SPRYD4: variants seen among roughly 807,000 people sequenced by gnomAD.
The protein encoded by SPRYD4 is SPRY domain-containing protein 4.
SPRYD4 carries 12 observed loss-of-function variants against 16.6 expected under a neutral mutation model. That is an observed-to-expected ratio of 0.72 (90% CI 0.46 to 1.17). The LOEUF (loss-of-function observed/expected upper bound fraction) is 1.17, where lower values mean the gene tolerates loss of function less well. Ranked by LOEUF, SPRYD4 falls within the 50% of genes most tolerant of loss-of-function variation. SPRYD4 has a pLI of 0.00. For synonymous variants in SPRYD4, 98 were observed against 105.4 expected, an observed-to-expected ratio of 0.93 and a Z score of 0.43; for missense variants, 260 against 260.2, an observed-to-expected ratio of 1.00 and a Z score of 0.00.
At position 56,477,906 on chromosome 12, in the gene SPRYD4, T is replaced by A. The variant is rs749235154; in HGVS notation, c.*8329T>A. The A allele has an allele frequency of 1.2e-6, 2 of 1,603,186 alleles. No individual in the cohort carries two copies. Among genetic ancestry groups the A allele is most frequent in the East Asian group, 2.2e-5 (1 of 44,802 alleles). ...ATAAGGAGAAGGGGACAGCTGTAAG[T>A]ACGGTCTGAGCCTTGGTAGTGCTCA... On this transcript the variant is annotated 3_prime_UTR_variant, in exon 2 of 2. Coordinates refer to ENST00000338146, the MANE Select transcript of SPRYD4 (RefSeq NM_207344.4).
At position 56,478,838 on chromosome 12, in the gene SPRYD4, C is replaced by A. The variant is rs947110100; in HGVS notation, c.*9261C>A. ...CAAAACCCCATCTCTACTAAAAATACAAAAATTAGTCGGGCATGGTGGTGT... is the reference window on the plus strand; with the variant it reads ...CAAAACCCCATCTCTACTAAAAATAAAAAAATTAGTCGGGCATGGTGGTGT... On this transcript the variant is annotated 3_prime_UTR_variant, in exon 2 of 2. Coordinates refer to ENST00000338146, the MANE Select transcript of SPRYD4 (RefSeq NM_207344.4). The A allele has an allele frequency of 5.8e-6, 3 of 521,280 alleles. No homozygotes were observed. The South Asian group carries it at 7.7e-5, about 13-fold the overall frequency. The allele number at this position is 521,280 out of a possible 1,614,324, so 32.3% of individuals were successfully genotyped here. A position where few individuals can be genotyped will look rare whatever the true frequency, so the allele number is the denominator to read the frequency against.
chr12:56,477,797 C>T lies in SPRYD4; in HGVS notation c.*8220C>T. 1.3e-6 allele frequency: 2 copies of T among 1,552,738 alleles called. No individual in the cohort carries two copies. The highest frequency in any genetic ancestry group is 1.2e-5 in the South Asian group (1 of 85,676). On this transcript the variant is annotated 3_prime_UTR_variant, in exon 2 of 2. Coordinates refer to ENST00000338146, the MANE Select transcript of SPRYD4 (RefSeq NM_207344.4). ...CAGCCCGCTCACTTTGTGGGTTAGA[C>T]AAGAAAGACTGCTAGGGAGAAAGGC...
Position 56,474,341 on chromosome 12 carries a change from G to C in SPRYD4, c.*4764G>C. The C allele has an allele frequency of 1.6e-6, 1 of 613,626 alleles. No homozygotes were observed. Among genetic ancestry groups the C allele is most frequent in the Non-Finnish European group, 2.8e-6 (1 of 357,810 alleles). The allele number at this position is 613,626 out of a possible 1,614,324, so 38.0% of individuals were successfully genotyped here. A position where few individuals can be genotyped will look rare whatever the true frequency, so the allele number is the denominator to read the frequency against. On this transcript the variant is annotated 3_prime_UTR_variant, in exon 2 of 2. Coordinates refer to ENST00000338146, the MANE Select transcript of SPRYD4 (RefSeq NM_207344.4). ...TGACCTCAGGTGATCCACCTGCCTC[G>C]GCCTCCCAAAGACATCTCTTTATAT...
Position 56,475,340 on chromosome 12 carries a change from T to C in SPRYD4, c.*5763T>C. The C allele has an allele frequency of 8.6e-7, 1 of 1,168,854 alleles. No homozygotes were observed. Among genetic ancestry groups the C allele is most frequent in the Non-Finnish European group, 1.2e-6 (1 of 852,696 alleles). The allele number at this position is 1,168,854 out of a possible 1,614,324, so 72.4% of individuals were successfully genotyped here. A position where few individuals can be genotyped will look rare whatever the true frequency, so the allele number is the denominator to read the frequency against. On this transcript the variant is annotated 3_prime_UTR_variant, in exon 2 of 2. Coordinates refer to ENST00000338146, the MANE Select transcript of SPRYD4 (RefSeq NM_207344.4). ...AAACACCCCAAACTGTCTAGTCATC[T>C]AGGAAAACTGGTGAAGTTTTTGGCT...
rs1870126170 is a variant in SPRYD4 at position 56,479,653 on chromosome 12, T to G, written c.*10076T>G. The G allele has an allele frequency of 8.8e-7, 1 of 1,140,634 alleles. No individual in the cohort carries two copies. The highest frequency in any genetic ancestry group is 1.6e-5 in the African/African-American group (1 of 63,716). 70.7% of individuals were successfully genotyped at this position (1,140,634 alleles called of 1,614,324 possible). On this transcript the variant is annotated 3_prime_UTR_variant, in exon 2 of 2. Coordinates refer to ENST00000338146, the MANE Select transcript of SPRYD4 (RefSeq NM_207344.4). Reference sequence around the variant, plus strand: ...TTATGATGAGTATTCATGTATAACTTATGTAATAAGTAATAAAATAAAATG... The same window carrying G: ...TTATGATGAGTATTCATGTATAACTGATGTAATAAGTAATAAAATAAAATG...
In SPRYD4 at chr12:56,473,593, A is replaced by G; in HGVS notation, c.*4016A>G. 1 of 1,609,504 alleles carries G rather than the reference A, an allele frequency of 6.2e-7. No homozygotes were observed. Among genetic ancestry groups the G allele is most frequent in the Non-Finnish European group, 8.5e-7 (1 of 1,178,308 alleles). ...TACAGCTGACTTGGCTGGCAGGCCC[A>G]CCTGGGGAACAGAACTGAAGCTGAG... On this transcript the variant is annotated 3_prime_UTR_variant, in exon 2 of 2. Transcript: ENST00000338146.
Position 56,475,612 on chromosome 12 carries a change from G to C in SPRYD4, c.*6035G>C, listed in dbSNP as rs764884399. The C allele has an allele frequency of 8.1e-6, 13 of 1,613,626 alleles. No homozygotes were observed. Among genetic ancestry groups the C allele is most frequent in the Non-Finnish European group, 9.3e-6 (11 of 1,179,540 alleles). ...ACAATGCTTTCAGTCAGTCCTCTGA[G>C]TAGGGACTTACGTGGCATTGCTGAA... On this transcript the variant is annotated 3_prime_UTR_variant, in exon 2 of 2. Coordinates refer to ENST00000338146, the MANE Select transcript of SPRYD4 (RefSeq NM_207344.4).
rs1018046171 is a variant in SPRYD4, at chr12:56,477,659, C to T, written c.*8082C>T. The T allele has an allele frequency of 3.1e-6, 5 of 1,613,202 alleles. No individual in the cohort carries two copies. Among genetic ancestry groups the T allele is most frequent in the Non-Finnish European group, 4.2e-6 (5 of 1,179,612 alleles). On this transcript the variant is annotated 3_prime_UTR_variant, in exon 2 of 2. Transcript: ENST00000338146. ...TATCAGAAGGTTAAGGTGGCACTGA[C>T]CTTGATCAGGGAGCTGACAACAATG...
Position 56,479,236 on chromosome 12 carries a change from C to A in SPRYD4, c.*9659C>A. ...GCTAGAGAAATGCAGCTGGGACTCA[C>A]TCTGGAGCCACGGAAATTGGGAATA... On this transcript the variant is annotated 3_prime_UTR_variant, in exon 2 of 2. Coordinates refer to ENST00000338146, the MANE Select transcript of SPRYD4 (RefSeq NM_207344.4). The A allele has an allele frequency of 6.3e-7, 1 of 1,591,720 alleles. No individual in the cohort carries two copies. Among genetic ancestry groups the A allele is most frequent in the Non-Finnish European group, 8.5e-7 (1 of 1,171,210 alleles).
chr12:56,479,452 T>C lies in SPRYD4; in HGVS notation c.*9875T>C. ...AATATGTATGTATGTTACCTTGATA[T>C]TTAAAAAATCCTAAATCATAAAAGT... On this transcript the variant is annotated 3_prime_UTR_variant, in exon 2 of 2. Coordinates refer to ENST00000338146, the MANE Select transcript of SPRYD4 (RefSeq NM_207344.4). The C allele has an allele frequency of 2.5e-6, 1 of 400,626 alleles. No homozygotes were observed. Among genetic ancestry groups the C allele is most frequent in the Non-Finnish European group, 4.4e-6 (1 of 229,806 alleles). 24.8% of individuals were successfully genotyped at this position (400,626 alleles called of 1,614,324 possible).
At position 56,475,910 on chromosome 12, in the gene SPRYD4, A is replaced by C; in HGVS notation, c.*6333A>C. On this transcript the variant is annotated 3_prime_UTR_variant, in exon 2 of 2. Coordinates refer to ENST00000338146, the MANE Select transcript of SPRYD4 (RefSeq NM_207344.4). ...TGGAGAGGACAGCATGCCATGGCGA[A>C]ATGCAGCCAGGGGCTAAGTAGCAAG... 2 of 1,612,684 alleles carry C rather than the reference A, an allele frequency of 1.2e-6. No homozygotes were observed. The highest frequency in any genetic ancestry group is 1.7e-6 in the Non-Finnish European group (2 of 1,178,830).
chr12:56,472,570 G>T lies in SPRYD4; in HGVS notation c.*2993G>T. Reference sequence around the variant, plus strand: ...TTTTTTAAAAAAATTTCATTTAAATGCAATCTATATCCATTCTAATTCCAA... The same window carrying T: ...TTTTTTAAAAAAATTTCATTTAAATTCAATCTATATCCATTCTAATTCCAA... On this transcript the variant is annotated 3_prime_UTR_variant, in exon 2 of 2. Transcript: ENST00000338146. The T allele has an allele frequency of 1.2e-6, 1 of 853,406 alleles. No homozygotes were observed. Among genetic ancestry groups the T allele is most frequent in the South Asian group, 1.6e-5 (1 of 61,390 alleles). The allele number at this position is 853,406 out of a possible 1,614,324, so 52.9% of individuals were successfully genotyped here. A position where few individuals can be genotyped will look rare whatever the true frequency, so the allele number is the denominator to read the frequency against.
chr12:56,477,894 G>A lies in SPRYD4; in HGVS notation c.*8317G>A, dbSNP rs1181505403. On this transcript the variant is annotated 3_prime_UTR_variant, in exon 2 of 2. Coordinates refer to ENST00000338146, the MANE Select transcript of SPRYD4 (RefSeq NM_207344.4). ...GATGGGGTGGGGATAAGGAGAAGGG[G>A]ACAGCTGTAAGTACGGTCTGAGCCT... 3.8e-6 allele frequency: 6 copies of A among 1,594,446 alleles called. No homozygotes were observed. The highest frequency in any genetic ancestry group is 1.1e-5 in the South Asian group (1 of 87,754).
Position 56,473,037 on chromosome 12 carries a change from G to A in SPRYD4, c.*3460G>A, listed in dbSNP as rs549521174. On this transcript the variant is annotated 3_prime_UTR_variant, in exon 2 of 2. Transcript: ENST00000338146. ...CCCAAGTAGCTGGGACCACAGGCGC[G>A]TGCCACCACGTCTGGCTAATTTTTT... 37 of 608,414 alleles carry A rather than the reference G, an allele frequency of 6.1e-5. No individual in the cohort carries two copies. Among genetic ancestry groups the A allele is most frequent in the African/African-American group, 1.3e-4 (7 of 53,924 alleles). 37.7% of individuals were successfully genotyped at this position (608,414 alleles called of 1,614,324 possible).
chr12:56,476,388 C>G lies in SPRYD4; in HGVS notation c.*6811C>G. The G allele has an allele frequency of 4.4e-6, 1 of 225,898 alleles. No individual in the cohort carries two copies. Among genetic ancestry groups the G allele is most frequent in the South Asian group, 6.1e-5 (1 of 16,382 alleles). The allele number at this position is 225,898 out of a possible 1,614,324, so 14.0% of individuals were successfully genotyped here. ...GACTCCCACGTTCATTTTCCTGACT[C>G]GAATCCTGTCTCCTAGCCCCACCCT... is the stretch of plus-strand genomic sequence containing the variant. On this transcript the variant is annotated 3_prime_UTR_variant, in exon 2 of 2. Coordinates refer to ENST00000338146, the MANE Select transcript of SPRYD4 (RefSeq NM_207344.4).
Position 56,472,817 on chromosome 12 carries a change from C to T in SPRYD4, c.*3240C>T. ...ACCTATGCCAGCTGTGCCCTGTGAC[C>T]CTCCTCCATGGATGCTTAGTCCAAG... On this transcript the variant is annotated 3_prime_UTR_variant, in exon 2 of 2. Coordinates refer to ENST00000338146, the MANE Select transcript of SPRYD4 (RefSeq NM_207344.4). The T allele has an allele frequency of 7.4e-7, 1 of 1,354,020 alleles. No individual in the cohort carries two copies. The highest frequency in any genetic ancestry group is 1.1e-6 in the Non-Finnish European group (1 of 943,378). The allele number at this position is 1,354,020 out of a possible 1,614,324, so 83.9% of individuals were successfully genotyped here. A position where few individuals can be genotyped will look rare whatever the true frequency, so the allele number is the denominator to read the frequency against.
At position 56,472,794 on chromosome 12, in the gene SPRYD4, C is replaced by T. The variant is rs1275705992; in HGVS notation, c.*3217C>T. On this transcript the variant is annotated 3_prime_UTR_variant, in exon 2 of 2. Coordinates refer to ENST00000338146, the MANE Select transcript of SPRYD4 (RefSeq NM_207344.4). ...CCCACATGACATTAATTGAACTCACCTATGCCAGCTGTGCCCTGTGACCCT... is the reference window on the plus strand; with the variant it reads ...CCCACATGACATTAATTGAACTCACTTATGCCAGCTGTGCCCTGTGACCCT... The T allele has an allele frequency of 1.9e-6, 3 of 1,576,456 alleles. No homozygotes were observed. The highest frequency in any genetic ancestry group is 1.3e-5 in the African/African-American group (1 of 74,176).
In SPRYD4 at chr12:56,479,216, A is replaced by G; in HGVS notation, c.*9639A>G. The G allele has an allele frequency of 1.2e-6, 2 of 1,608,502 alleles. No individual in the cohort carries two copies. Among genetic ancestry groups the G allele is most frequent in the Non-Finnish European group, 1.7e-6 (2 of 1,178,958 alleles). ...AGACACGATTGGATTAGGGGGCTAG[A>G]GAAATGCAGCTGGGACTCACTCTGG... On this transcript the variant is annotated 3_prime_UTR_variant, in exon 2 of 2. Coordinates refer to ENST00000338146, the MANE Select transcript of SPRYD4 (RefSeq NM_207344.4).
In SPRYD4 at chr12:56,469,322, G is replaced by A; in HGVS notation, c.369G>A (p.Val123=). The change falls in exon 2 of 2, where the codon GTG becomes GTA. Residue 123 remains valine, a synonymous_variant. Transcript: ENST00000338146. ...SCIGVDDRSW[V]FTYAQRKWYT... is the part of the protein sequence containing the mutation. ...TTGGTGTTGATGATCGTTCCTGGGT[G>A]TTCACCTATGCCCAGCGCAAGTGGT... 6.2e-7 allele frequency: 1 copy of A among 1,614,212 alleles called. No individual in the cohort carries two copies. Among genetic ancestry groups the A allele is most frequent in the East Asian group, 2.2e-5 (1 of 44,884 alleles).
Sources: gnomAD v4.1 joint callset for allele counts on GRCh38, gnomAD v4.1.1 for gene constraint, MANE v1.5 for transcripts, NCBI Gene and HGNC (gene_info 2026-07-23, HGNC 2026-07-21) for gene names.